DPY19L1: variants seen among roughly 807,000 people sequenced by gnomAD.
DPY19L1 encodes dpy-19 like C-mannosyltransferase 1, also known as protein C-mannosyl-transferase DPY19L1.
Under a neutral mutation model 96.9 loss-of-function variants are expected in DPY19L1, and 35 were observed. The observed-to-expected ratio is 0.36, with a 90% CI of 0.28 to 0.48. The LOEUF (loss-of-function observed/expected upper bound fraction) is 0.48, where lower values mean the gene tolerates loss of function less well. Ranked by LOEUF, DPY19L1 falls within the 20% of genes least tolerant of loss-of-function variation. DPY19L1 has a pLI of 0.99. For missense variants in DPY19L1, 521 were observed against 777.9 expected (o/e 0.67, Z 3.93); for synonymous variants, 205 against 252.6 (o/e 0.81, Z 1.79).
intron 6 of DPY19L1, among the ~76,000 whole-genome samples, chr7:35,004,454 T>G (rs2128676358): frequency 6.6e-6 from 1 of 152,294 alleles, no homozygotes; most frequent in African/African-American, 2.4e-5. Flanking sequence ...GTCCAAAAGT[T>G]AGGATGTCAT....
At position 34,933,363 on chromosome 7, in the gene DPY19L1, T is replaced by TA. The variant is rs1259451250; in HGVS notation, c.2091-1635dup. On this transcript the variant is annotated intron_variant, in intron 21 of 21. Transcript: ENST00000638088. The stretch of plus-strand genomic sequence containing the variant: ...GCATCCTGGTAGCTTAGTTCCCACT[T>TA]ATAAGTGAGAACATACAATATTTGC... Among the ~76,000 whole-genome samples the TA allele has an allele frequency of 3.3e-5, 5 of 152,350 alleles. No individual in the cohort carries two copies. In the South Asian group the frequency reaches 1.0e-3, roughly 32 times the overall value.
chr7:34,954,498 A>C (rs1303478867), intron 13 of DPY19L1, 200 bp downstream of exon 13: 3 of 344,826 alleles, frequency 8.7e-6, no homozygotes, highest in African/African-American at 6.5e-5. Context: ...GACCAATAAA[A>C]AAAGAGATTA....
chr7:35,037,615 T>C (rs1786466703), upstream of DPY19L1: 5 of 228,244 alleles, frequency 2.2e-5, no homozygotes, highest in Admixed American at 1.8e-4. Context: ...CCGGACTTGC[T>C]AGCCCGCCGC....
intron 9 of DPY19L1, among the ~76,000 whole-genome samples, chr7:34,967,953 G>A (rs1784646202): frequency 1.3e-5 from 2 of 152,126 alleles, no homozygotes; most frequent in South Asian, 4.2e-4. Context: ...TTCAACATAA[G>A]CCCCACAGGG....
intron 6 of DPY19L1, among the ~76,000 whole-genome samples, chr7:34,998,791 GC>G (rs1785354491): frequency 6.6e-6 from 1 of 152,226 alleles, no homozygotes; most frequent in Admixed American, 6.5e-5. Flanking sequence ...CTAGGAATCA[GC>G]AGGCTGTGGG....
chr7:34,990,904 T>C (rs1463468019), intron 6 of DPY19L1, among the ~76,000 whole-genome samples: 1 of 152,206 alleles, frequency 6.6e-6, no homozygotes, highest in East Asian at 1.9e-4. Context: ...AAGAACCAGA[T>C]GGTATAGGCA....
chr7:35,018,524 G>A (rs1473701127), intron 2 of DPY19L1, 48 bp downstream of exon 2: 1 of 1,544,440 alleles, frequency 6.5e-7, no homozygotes, highest in South Asian at 1.2e-5. Context: ...GCTTTAGCAA[G>A]TTATAAACGT....
At chr7:35,006,293 C>A (rs1365940202) in intron 6 of DPY19L1, among the ~76,000 whole-genome samples, 3 of 152,190 alleles carry the variant, frequency 2.0e-5, no homozygotes, top group African/African-American at 7.2e-5. Context: ...TAACCCCGAA[C>A]TCCAAAATAA....
intron 1 of DPY19L1, among the ~76,000 whole-genome samples, chr7:35,034,735 T>C (rs1179030259): frequency 1.3e-5 from 2 of 152,190 alleles, no homozygotes; most frequent in Non-Finnish European, 2.9e-5. Flanking sequence ...GTTACAAAAT[T>C]ACTTTCTAAA....
At chr7:34,942,900 G>A (rs1394848956) in intron 16 of DPY19L1, among the ~76,000 whole-genome samples, 1 of 152,168 alleles carries the variant, frequency 6.6e-6, no homozygotes, top group South Asian at 2.1e-4. Context: ...GGCACACGGT[G>A]GTGTCCCAGC....
chr7:34,992,648 G>A (rs1445646169), intron 6 of DPY19L1, among the ~76,000 whole-genome samples: 4 of 150,604 alleles, frequency 2.7e-5, no homozygotes, highest in Non-Finnish European at 5.9e-5. Context: ...ATGGGATCCA[G>A]CAATCCTCCT....
intron 6 of DPY19L1, among the ~76,000 whole-genome samples, chr7:35,000,954 C>G (rs1338590848): frequency 1.3e-5 from 2 of 152,176 alleles, no homozygotes; most frequent in Non-Finnish European, 2.9e-5. Context: ...AATGTATTCT[C>G]AGAGACAGTA....
At chr7:34,984,042 G>C (rs1784996643) in intron 7 of DPY19L1, among the ~76,000 whole-genome samples, 1 of 152,166 alleles carries the variant, frequency 6.6e-6, no homozygotes, top group Non-Finnish European at 1.5e-5. Context: ...TAATGGAATA[G>C]CATCTTTAAA....
intron 1 of DPY19L1, among the ~76,000 whole-genome samples, chr7:35,021,487 C>T (rs550323880): frequency 6.9e-4 from 105 of 152,254 alleles, no homozygotes; most frequent in African/African-American, 2.4e-3. Flanking sequence ...TTCATTTCAA[C>T]TCAGTAACAA....
At chr7:34,958,450 T>A (rs1041603151) in intron 10 of DPY19L1, among the ~76,000 whole-genome samples, 6 of 152,232 alleles carry the variant, frequency 3.9e-5, no homozygotes, top group African/African-American at 1.4e-4. Context: ...TATAGATGTA[T>A]CCTAATTTAT....
chr7:35,024,143 T>C (rs1327346569), intron 1 of DPY19L1, among the ~76,000 whole-genome samples: 1 of 152,034 alleles, frequency 6.6e-6, no homozygotes, highest in Non-Finnish European at 1.5e-5. Flanking sequence ...GCCGAAGAAA[T>C]GTATTCTAAG....
At chr7:35,005,835 A>G (rs1785542344) in intron 6 of DPY19L1, among the ~76,000 whole-genome samples, 1 of 151,612 alleles carries the variant, frequency 6.6e-6, no homozygotes, top group Admixed American at 6.6e-5. Context: ...TTTTGTCTTA[A>G]TTTTGTCATG....
intron 1 of DPY19L1, among the ~76,000 whole-genome samples, chr7:35,027,668 T>TAACAAAAAAAAAAAAAAA (rs1786158133): frequency 1.4e-5 from 1 of 71,410 alleles, no homozygotes; most frequent in African/African-American, 4.4e-5. Flanking sequence ...CCGTCTCTAC[T>TAACAAAAAAAAAAAAAAA]AAAAAAAAAA....
At chr7:34,964,235 A>G (rs1447853311) in intron 10 of DPY19L1, among the ~76,000 whole-genome samples, 1 of 152,130 alleles carries the variant, frequency 6.6e-6, no homozygotes, top group East Asian at 1.9e-4. Flanking sequence ...GTCATATAAT[A>G]AAGTATGTAT....
Sources: allele counts gnomAD v4.1 joint callset (sites outside exome capture counted in the v4.1 genomes callset), GRCh38; gene constraint gnomAD v4.1.1; transcripts MANE v1.5; gene names NCBI Gene and HGNC (gene_info 2026-07-23, HGNC 2026-07-21).